NEO1: variants seen among roughly 807,000 people sequenced by gnomAD.
The protein encoded by NEO1 is neogenin.
NEO1 carries 63 observed loss-of-function variants against 159.7 expected under a neutral mutation model. That is an observed-to-expected ratio of 0.39 (90% CI 0.32 to 0.49). The LOEUF (loss-of-function observed/expected upper bound fraction) is 0.49. Among genes scored for constraint, NEO1 ranks in the 20% least tolerant of loss-of-function variants. NEO1 has a pLI of 0.85. For missense variants in NEO1, 1,615 were observed against 1,831.0 expected (o/e 0.88, Z 2.15); for synonymous variants, 633 against 662.0 (o/e 0.96, Z 0.67).
chr15:73,185,698 C>T (rs967261979), intron 7 of NEO1, among the ~76,000 whole-genome samples: 3 of 152,186 alleles, frequency 2.0e-5, no homozygotes, highest in Admixed American at 2.0e-4. Flanking sequence ...AAGAATTTTA[C>T]TCATTATTGC....
Position 73,282,991 on chromosome 15 carries a change from C to T in NEO1, c.3290C>T (p.Thr1097Ile), listed in dbSNP as rs201071663. ...AGTAACAGCCCTCATGGGAGCCCCA[C>T]CTCTCCTCTGGACAGTAATATGCTG... Reference protein sequence around the residue: ...SGSNSPHGSPTSPLDSNMLLV... With the variant: ...SGSNSPHGSPISPLDSNMLLV... The change falls in exon 23 of 29, where the codon ACC becomes ATC. Residue 1097 changes from threonine to isoleucine, a missense_variant. Around this residue, in one of 3 missense-constraint regions of NEO1, gnomAD observed 471 missense variants for 498.9 expected, o/e 0.94. Coordinates refer to ENST00000261908, the MANE Select transcript of NEO1 (RefSeq NM_002499.4). 3.6e-5 allele frequency: 58 copies of T among 1,614,186 alleles called. No homozygotes were observed. The highest frequency in any genetic ancestry group is 4.6e-5 in the Non-Finnish European group (54 of 1,180,026).
chr15:73,099,954 ATCATTTGTATACTTACTGTTCACTT>A (rs1298936338), intron 1 of NEO1, among the ~76,000 whole-genome samples: 1 of 152,196 alleles, frequency 6.6e-6, no homozygotes, highest in Non-Finnish European at 1.5e-5. Flanking sequence ...CTTGTTCACT[ATCATTTGTATACTTACTGTTCACTT>A]TCATTTATTG....
At chr15:73,250,663 T>C (rs2040023892) in intron 11 of NEO1, among the ~76,000 whole-genome samples, 1 of 152,186 alleles carries the variant, frequency 6.6e-6, no homozygotes, top group Non-Finnish European at 1.5e-5. Context: ...AAATTTTTAT[T>C]TTAACTGACT....
At chr15:73,220,878 C>T (rs1567520912) in intron 7 of NEO1, among the ~76,000 whole-genome samples, 1 of 152,180 alleles carries the variant, frequency 6.6e-6, no homozygotes, top group Non-Finnish European at 1.5e-5. Context: ...TGAATTTCCT[C>T]CTGTAGCTTG....
chr15:73,221,506 T>C (rs1381679546), intron 7 of NEO1, among the ~76,000 whole-genome samples: 2 of 152,228 alleles, frequency 1.3e-5, no homozygotes, highest in Admixed American at 6.5e-5. Context: ...GCTGTCTTTT[T>C]GTTTGTCTGT....
At chr15:73,209,829 T>TA (rs1175774105) in intron 7 of NEO1, among the ~76,000 whole-genome samples, 2 of 151,876 alleles carry the variant, frequency 1.3e-5, no homozygotes, top group Non-Finnish European at 2.9e-5. Flanking sequence ...CTGTTTCTAC[T>TA]AAAAAACAAA....
At chr15:73,178,236 A>G (rs920678423) in intron 6 of NEO1, 71 bp from the exon 7 acceptor site, 13 of 1,425,868 alleles carry the variant, frequency 9.1e-6, no homozygotes, top group East Asian at 7.1e-5. Context: ...TCCAAAAAGC[A>G]TATTTTTGAG....
intron 5 of NEO1, among the ~76,000 whole-genome samples, chr15:73,156,266 A>G (rs2033766330): frequency 6.6e-6 from 1 of 152,112 alleles, no homozygotes; most frequent in African/African-American, 2.4e-5. Context: ...TCTGTGTGTT[A>G]GTGTGCAGTT....
At chr15:73,121,251 A>G (rs2071627190) in intron 2 of NEO1, among the ~76,000 whole-genome samples, 1 of 152,208 alleles carries the variant, frequency 6.6e-6, no homozygotes, top group Non-Finnish European at 1.5e-5. Flanking sequence ...TTTCTGGCCC[A>G]AGATTACATA....
At chr15:73,155,593 C>T (rs1422146204) in intron 5 of NEO1, among the ~76,000 whole-genome samples, 2 of 152,146 alleles carry the variant, frequency 1.3e-5, no homozygotes, top group Admixed American at 1.3e-4. Flanking sequence ...CTCAGGAATA[C>T]CCGTAATTCA....
intron 7 of NEO1, among the ~76,000 whole-genome samples, chr15:73,231,786 C>T (rs2038924541): frequency 6.6e-6 from 1 of 152,130 alleles, no homozygotes; most frequent in African/African-American, 2.4e-5. Flanking sequence ...GGGAAACTGA[C>T]CAAAACAAAC....
At chr15:73,137,381 AAAAAT>A (rs1361443729) in intron 5 of NEO1, among the ~76,000 whole-genome samples, 1 of 152,322 alleles carries the variant, frequency 6.6e-6, no homozygotes, top group Non-Finnish European at 1.5e-5. Flanking sequence ...AAAATATACT[AAAAAT>A]AAAGAATAAA....
intron 1 of NEO1, among the ~76,000 whole-genome samples, chr15:73,085,805 G>A (rs62016805): frequency 0.31 from 46,773 of 151,850 alleles, 8,870 homozygotes; most frequent in Admixed American, 0.45. Flanking sequence ...AAGAAAATTG[G>A]GGTTGTTTTC....
chr15:73,065,875 A>C (rs1051811437), intron 1 of NEO1, among the ~76,000 whole-genome samples: 3 of 152,098 alleles, frequency 2.0e-5, no homozygotes, highest in Non-Finnish European at 4.4e-5. Context: ...AAAACTATAG[A>C]TTTGTAGCTT....
chr15:73,192,994 A>G (rs1282034348), intron 7 of NEO1, among the ~76,000 whole-genome samples: 3 of 152,100 alleles, frequency 2.0e-5, no homozygotes, highest in Non-Finnish European at 4.4e-5. Context: ...CAAGGTAGTT[A>G]TAAACTTTTT....
intron 20 of NEO1, 77 bp from the exon 21 acceptor site, chr15:73,274,615 A>G (rs1318767171): frequency 1.4e-6 from 2 of 1,469,530 alleles, no homozygotes; most frequent in Admixed American, 3.9e-5. Context: ...TTTTCCTTTA[A>G]AAAGTTCTGC....
At chr15:73,160,282 C>T (rs890575862) in intron 5 of NEO1, among the ~76,000 whole-genome samples, 2 of 152,132 alleles carry the variant, frequency 1.3e-5, no homozygotes, top group African/African-American at 4.8e-5. Flanking sequence ...GGGTTATTTC[C>T]CCACACACCA....
At chr15:73,287,985 A>G (rs1473086106) in intron 23 of NEO1, among the ~76,000 whole-genome samples, 1 of 152,190 alleles carries the variant, frequency 6.6e-6, no homozygotes, top group African/African-American at 2.4e-5. Flanking sequence ...AAACTTGTGG[A>G]TGAACCTTCT....
Position 73,126,399 on chromosome 15 carries a change from AATT to A in NEO1, c.725-17_725-15del. The A allele has an allele frequency of 6.6e-7, 1 of 1,514,896 alleles. No homozygotes were observed. Among genetic ancestry groups the A allele is most frequent in the South Asian group, 1.2e-5 (1 of 82,566 alleles). 93.8% of individuals were successfully genotyped at this position (1,514,896 alleles called of 1,614,324 possible). On this transcript the variant is annotated splice_polypyrimidine_tract_variant and intron_variant, in intron 3 of 28. Coordinates refer to ENST00000261908, the MANE Select transcript of NEO1 (RefSeq NM_002499.4). ...TTGTCCTTTAATTATTGTCTTTGTT[AATT>A]TTTTTTTTTTTTAGATCCTGAGGTG...
Sources: gnomAD v4.1 joint callset for allele counts (sites outside exome capture counted in the v4.1 genomes callset) on GRCh38, gnomAD v4.1.1 for gene constraint, gnomAD v4.1.1 regional missense constraint, MANE v1.5 for transcripts, NCBI Gene and HGNC (gene_info 2026-07-23, HGNC 2026-07-21) for gene names.